Variants in C1orf141 observed in about 807,000 individuals in gnomAD.
C1orf141 encodes the protein uncharacterized protein C1orf141.
C1orf141 carries 19 observed loss-of-function variants against 23.2 expected under a neutral mutation model. That is an observed-to-expected ratio of 0.82 (90% confidence interval 0.57 to 1.20). The LOEUF (loss-of-function observed/expected upper bound fraction) is 1.20. C1orf141 is among the 50% of genes most tolerant of loss of function. The pLI is 0.00. For missense variants in C1orf141, 469 were observed against 455.1 expected, an observed-to-expected ratio of 1.03 and a Z score of -0.28; for synonymous variants, 153 against 154.6, an observed-to-expected ratio of 0.99 and a Z score of 0.08.
At chr1:67,132,899 T>A (rs1646540360) in intron 1 of C1orf141, among the ~76,000 whole-genome samples, 1 of 152,212 alleles carries the variant, frequency 6.6e-6, no homozygotes, top group African/African-American at 2.4e-5. Flanking sequence ...TTGTTGTTTG[T>A]TCGTTTGTTT....
At position 67,092,390 on chromosome 1, in the gene C1orf141, T is replaced by A. The variant is rs899265011; in HGVS notation, c.*615A>T. On this transcript the variant is annotated 3_prime_UTR_variant, in exon 8 of 8. Transcript: ENST00000684719. ...TTATAGGATTTGCTACCAAAATTAT[T>A]TAGATTAAGGATAGTTATTCTTTTA... 7 of 152,220 alleles carry A rather than the reference T, an allele frequency of 4.6e-5. No homozygotes were observed. The highest frequency in any genetic ancestry group is 1.7e-4 in the African/African-American group (7 of 41,454). The allele number at this position is 152,220 out of a possible 1,614,324, so 9.4% of individuals were successfully genotyped here. A position where few individuals can be genotyped will look rare whatever the true frequency, so the allele number is the denominator to read the frequency against.
At chr1:67,103,458 G>T in intron 5 of C1orf141, 2 of 843,826 alleles carry the variant, frequency 2.4e-6, no homozygotes, top group Non-Finnish European at 3.3e-6. Flanking sequence ...ATTTATGCTT[G>T]AGTATTCACA....
intron 3 of C1orf141, 84 bp from the exon 4 acceptor site, chr1:67,125,993 T>G: frequency 7.4e-7 from 1 of 1,352,350 alleles, no homozygotes; most frequent in Non-Finnish European, 9.7e-7. Flanking sequence ...AGAAAAAAAA[T>G]CTCACTTTAC....
At position 67,127,969 on chromosome 1, in the gene C1orf141, T is replaced by G. The variant is rs1046394134; in HGVS notation, c.-17-712A>C. Among the ~76,000 whole-genome samples, 24 of 152,214 alleles carry G rather than the reference T, an allele frequency of 1.6e-4. No individual in the cohort carries two copies. The South Asian group carries it at 1.7e-3, about 11-fold the overall frequency. Reference sequence around the variant, plus strand: ...ACTTTGGACATATCTGTTTTCTTTTTGTCATGATATAATTTTAATGAAAGT... The same window carrying G: ...ACTTTGGACATATCTGTTTTCTTTTGGTCATGATATAATTTTAATGAAAGT... On this transcript the variant is annotated intron_variant, in intron 2 of 7. Coordinates refer to ENST00000684719, the MANE Select transcript of C1orf141 (RefSeq NM_001276351.2).
chr1:67,120,511 A>C (rs1025693113), intron 4 of C1orf141, among the ~76,000 whole-genome samples: 1 of 152,138 alleles, frequency 6.6e-6, no homozygotes, highest in Non-Finnish European at 1.5e-5. Context: ...TCATATATTG[A>C]AGTCTAAATG....
chr1:67,106,815 T>C (rs1645938916), intron 5 of C1orf141, among the ~76,000 whole-genome samples: 1 of 152,176 alleles, frequency 6.6e-6, no homozygotes, highest in African/African-American at 2.4e-5. Context: ...ACATGTAATA[T>C]CTGTTAACTG....
intron 4 of C1orf141, among the ~76,000 whole-genome samples, chr1:67,116,535 TG>T (rs1321071765): frequency 6.6e-6 from 1 of 152,052 alleles, no homozygotes; most frequent in African/African-American, 2.4e-5. Context: ...AATACAAATG[TG>T]ACTATCATTT....
intron 7 of C1orf141, chr1:67,094,214 A>G (rs903565585): frequency 6.6e-6 from 1 of 152,246 alleles, no homozygotes; most frequent in Non-Finnish European, 1.5e-5. Context: ...TATCGCAGTA[A>G]TATCCAAGTC....
upstream of C1orf141, among the ~76,000 whole-genome samples, chr1:67,138,004 T>G (rs114106706): frequency 3.1e-3 from 473 of 152,332 alleles, 4 homozygotes; most frequent in African/African-American, 0.011. Flanking sequence ...TTTCACATCT[T>G]TAAGTTTCTT....
intron 4 of C1orf141, among the ~76,000 whole-genome samples, chr1:67,119,649 C>A (rs554694253): frequency 6.6e-6 from 1 of 152,236 alleles, no homozygotes; most frequent in East Asian, 1.9e-4. Flanking sequence ...ACCAAATCAG[C>A]CATCTCAACA....
chr1:67,140,517 T>C (rs1205274774), intron 1 of C1orf141, among the ~76,000 whole-genome samples: 1 of 152,220 alleles, frequency 6.6e-6, no homozygotes, highest in Non-Finnish European at 1.5e-5. Context: ...TATAATCTTT[T>C]TCTTATCATC....
intron 7 of C1orf141, chr1:67,093,879 T>C (rs1421671230): frequency 1.5e-5 from 3 of 198,300 alleles, no homozygotes; most frequent in African/African-American, 4.6e-5. Context: ...ACGAAAAAAT[T>C]AATATATTTG....
chr1:67,099,196 G>GA (rs990935468), intron 5 of C1orf141, among the ~76,000 whole-genome samples: 20 of 152,200 alleles, frequency 1.3e-4, no homozygotes, highest in Non-Finnish European at 2.5e-4. Context: ...AGAATAAAGA[G>GA]AAAAATCCTA....
intron 4 of C1orf141, among the ~76,000 whole-genome samples, chr1:67,117,748 C>G (rs968780535): frequency 1.3e-5 from 2 of 152,114 alleles, no homozygotes; most frequent in Non-Finnish European, 2.9e-5. Flanking sequence ...TTATCCTTAT[C>G]TTAAAAATAC....
At chr1:67,097,217 C>CA (rs906016565) in intron 5 of C1orf141, among the ~76,000 whole-genome samples, 14 of 151,614 alleles carry the variant, frequency 9.2e-5, no homozygotes, top group East Asian at 3.9e-4. Flanking sequence ...CAAAAACAAA[C>CA]AAAAAAAACC....
chr1:67,122,377 G>T (rs1356212065), intron 4 of C1orf141: 1 of 152,148 alleles, frequency 6.6e-6, no homozygotes, highest in Non-Finnish European at 1.5e-5. Context: ...AATAAGCAAT[G>T]AAATAGTTAA....
At chr1:67,141,571 A>C (rs906649539) in intron 1 of C1orf141, among the ~76,000 whole-genome samples, 5 of 152,166 alleles carry the variant, frequency 3.3e-5, no homozygotes, top group Non-Finnish European at 7.3e-5. Flanking sequence ...CAGCGTAGGC[A>C]ACACAGCAAG....
intron 5 of C1orf141, among the ~76,000 whole-genome samples, chr1:67,105,595 A>G (rs1381807213): frequency 6.6e-6 from 1 of 152,106 alleles, no homozygotes; most frequent in Non-Finnish European, 1.5e-5. Context: ...GATGAAAACC[A>G]TAGACTCTAG....
In C1orf141 at chr1:67,108,920, T is replaced by A. The variant is rs186937618; in HGVS notation, c.346+6432A>T. On this transcript the variant is annotated intron_variant, in intron 5 of 7. Transcript: ENST00000684719. The stretch of plus-strand genomic sequence containing the variant: ...TGAAAGAATGGCCATAATTTAAAAA[T>A]TTTTTAAAAAATAGACCTTGGCATG... Among the ~76,000 whole-genome samples, 552 of 152,210 alleles carry A rather than the reference T, an allele frequency of 3.6e-3. 1 individual carries two copies. Among genetic ancestry groups the A allele is most frequent in the Non-Finnish European group, 6.2e-3 (422 of 68,010 alleles).
Sources: allele counts gnomAD v4.1 joint callset (sites outside exome capture counted in the v4.1 genomes callset), GRCh38; gene constraint gnomAD v4.1.1; transcripts MANE v1.5; gene names NCBI Gene and HGNC (gene_info 2026-07-23, HGNC 2026-07-21).